The following ATRX variants were observed in gnomAD, a reference collection of about 807,000 sequenced individuals.
The protein encoded by ATRX is chromatin remodeler ATRX.
In ATRX, 12 loss-of-function variants were observed where a neutral mutation model predicts 172.6. The observed-to-expected ratio is 0.07, with a 90% CI of 0.04 to 0.11. The LOEUF (loss-of-function observed/expected upper bound fraction) is 0.11. Ranked by LOEUF, ATRX falls within the 10% of genes least tolerant of loss-of-function variation. ATRX has a pLI of 1.00. For missense variants in ATRX, 1,368 were observed against 1,767.4 expected, an observed-to-expected ratio of 0.77 and a Z score of 4.05; for synonymous variants, 674 against 594.7, an observed-to-expected ratio of 1.13 and a Z score of -1.94.
intron 2 of ATRX, among the ~76,000 whole-genome samples, chrX:77,708,986 C>A (rs1278689147): frequency 2.7e-5 from 3 of 111,803 alleles, no homozygotes; most frequent in Non-Finnish European, 3.8e-5. Context: ...GTGGGAAGAT[C>A]GCTTGAGGCC....
At chrX:77,676,534 C>T (rs1348216489) in intron 9 of ATRX, among the ~76,000 whole-genome samples, 2 of 111,689 alleles carry the variant, frequency 1.8e-5, no homozygotes, top group Non-Finnish European at 3.8e-5. Flanking sequence ...CTTCCCAGGG[C>T]ACAAGGCTTT....
At chrX:77,746,193 CAA>C (rs1237408382) in intron 1 of ATRX, among the ~76,000 whole-genome samples, 2 of 110,433 alleles carry the variant, frequency 1.8e-5, no homozygotes, top group Non-Finnish European at 3.8e-5. Flanking sequence ...TTAATGAATA[CAA>C]TGTGTGTTAT....
intron 15 of ATRX, among the ~76,000 whole-genome samples, chrX:77,639,872 C>T (rs1463100463): frequency 5.3e-5 from 6 of 112,176 alleles, no homozygotes; most frequent in African/African-American, 1.9e-4. Flanking sequence ...CCAAAAAAGA[C>T]ACAAGTACTC....
intron 1 of ATRX, among the ~76,000 whole-genome samples, chrX:77,778,592 A>G (rs782812504): frequency 6.0e-4 from 65 of 108,890 alleles, no homozygotes; most frequent in Non-Finnish European, 8.0e-4. Flanking sequence ...ATGGTGGCAC[A>G]CGCCTGTAGT....
chrX:77,626,644 G>A (rs1287318686), intron 19 of ATRX, among the ~76,000 whole-genome samples: 2 of 111,340 alleles, frequency 1.8e-5, no homozygotes, highest in African/African-American at 6.5e-5. Context: ...CCAAGCCTGA[G>A]GGTGGCTTTG....
rs782676895 is a variant in ATRX at position 77,641,842 on chromosome X, A to G, written c.4558-5786T>C. On this transcript the variant is annotated intron_variant, in intron 15 of 34. Transcript: ENST00000373344. Reference sequence around the variant, plus strand: ...GGAACAATATTAAAGAGCATAATATATAAGTCCCAAAGAAAAATAGAACAG... The same window carrying G: ...GGAACAATATTAAAGAGCATAATATGTAAGTCCCAAAGAAAAATAGAACAG... Among the ~76,000 whole-genome samples the G allele has an allele frequency of 8.1e-5, 9 of 111,253 alleles. No homozygotes were observed. The South Asian group carries it at 2.6e-3, about 32-fold the overall frequency.
rs2062761913 is a variant in ATRX at position 77,508,553 on chromosome X, A to G, written c.7277T>C (p.Met2426Thr). The change falls in exon 35 of 35, where the codon ATG (methionine) becomes ACG (threonine). Residue 2426 changes from methionine (M) to threonine (T), a missense_variant. Met to Thr is a moderately conservative substitution (Grantham distance 81). Around this residue, in one of 17 missense-constraint regions of ATRX, gnomAD observed 100 missense variants for 153.9 expected, o/e 0.65. Transcript: ENST00000373344. ...ACCCAGTGTTGCTTGTTGATAAGTC[A>G]TTTGTTGCTGTTGCTGCTGATTGTA... ...QQYNQQQQQQMTYQQATLGHL... is the reference protein window; with the variant it reads ...QQYNQQQQQQTTYQQATLGHL... 3 of 1,209,924 alleles carry G rather than the reference A, an allele frequency of 2.5e-6. No individual in the cohort carries two copies. The highest frequency in any genetic ancestry group is 2.2e-5 in the Admixed American group (1 of 45,742).
Position 77,618,932 on chromosome X carries a change from C to T in ATRX, c.5322G>A (p.Lys1774=). The change falls in exon 21 of 35, where the codon AAG becomes AAA. Residue 1774 remains lysine (K), a synonymous_variant. Coordinates refer to ENST00000373344, the MANE Select transcript of ATRX (RefSeq NM_000489.6). The part of the protein sequence containing the change: ...FIKENLLGSI[K]EFRNRFINPI... Reference sequence around the variant, plus strand: ...GATTTATAAATCTATTCCTGAACTCCTTAATGGATCCAAGTAAATTTTCCT... The same window carrying T: ...GATTTATAAATCTATTCCTGAACTCTTTAATGGATCCAAGTAAATTTTCCT... The T allele has an allele frequency of 8.4e-7, 1 of 1,184,654 alleles. No homozygotes were observed.
chrX:77,523,351 T>C lies in ATRX; in HGVS notation c.6750A>G (p.Gly2250=), dbSNP rs2147761475. Reference sequence around the variant, plus strand: ...CCAAAAGAGAATCATGTTCATGGTATCCTACAATGTGTTCTTTATGTATCT... The same window carrying C: ...CCAAAAGAGAATCATGTTCATGGTACCCTACAATGTGTTCTTTATGTATCT... The part of the protein sequence containing the change: ...LLQIHKEHIV[G]YHEHDSLLDH... The change falls in exon 31 of 35, where the codon GGA becomes GGG. Residue 2250 remains glycine (G), a synonymous_variant. Transcript: ENST00000373344. The C allele has an allele frequency of 8.3e-7, 1 of 1,209,188 alleles. No homozygotes were observed. The highest frequency in any genetic ancestry group is 1.1e-6 in the Non-Finnish European group (1 of 893,213).
At chrX:77,702,476 G>A (rs1331625953) in intron 2 of ATRX, among the ~76,000 whole-genome samples, 1 of 110,542 alleles carries the variant, frequency 9.0e-6, no homozygotes, top group East Asian at 2.8e-4. Flanking sequence ...AGAACTATGG[G>A]AATAAAATTA....
chrX:77,709,630 A>AG (rs1167808650), intron 2 of ATRX, among the ~76,000 whole-genome samples: 1 of 93,416 alleles, frequency 1.1e-5, no homozygotes, highest in Non-Finnish European at 2.2e-5. Flanking sequence ...AAGCACTGAT[A>AG]GAGTCCAATG....
intron 1 of ATRX, among the ~76,000 whole-genome samples, chrX:77,741,037 T>TACACACACACAC (rs111437851): frequency 1.0e-5 from 1 of 99,228 alleles, no homozygotes; most frequent in African/African-American, 3.6e-5. Context: ...ACCCTGTCTC[T>TACACACACACAC]ACACACACAC....
rs374291079 is a variant in ATRX, at chrX:77,681,633, A to T, written c.3623T>A (p.Ile1208Lys). 8.3e-7 allele frequency: 1 copy of T among 1,206,022 alleles called. No homozygotes were observed. The highest frequency in any genetic ancestry group is 1.7e-5 in the African/African-American group (1 of 57,513). The change falls in exon 9 of 35, where the codon ATA (isoleucine) becomes AAA (lysine). Residue 1208 changes from isoleucine to lysine, a missense_variant. By Grantham distance (102) the Ile-to-Lys change is moderately radical. Transcript: ENST00000373344. ...ADITSSSSSDIEDDDQNSIGE... is the reference protein window; with the variant it reads ...ADITSSSSSDKEDDDQNSIGE... ...TATAGAATTCTGATCATCATCTTCT[A>T]TATCAGAAGAAGATGAGGATGTAAT...
At chrX:77,574,379 C>A (rs2148020317) in intron 27 of ATRX, 21 bp from the exon 28 acceptor site, 1 of 1,105,654 alleles carries the variant, frequency 9.0e-7, no homozygotes, top group Non-Finnish European at 1.3e-6. Flanking sequence ...AACAAAAGAA[C>A]ACAAAAGGAA....
At chrX:77,511,401 C>A (rs782037240) in intron 34 of ATRX, among the ~76,000 whole-genome samples, 1 of 111,512 alleles carries the variant, frequency 9.0e-6, no homozygotes, top group African/African-American at 3.3e-5. Context: ...AATGCCCAGA[C>A]ACGAATCAAT....
At chrX:77,561,325 A>G (rs1557061844) in intron 28 of ATRX, among the ~76,000 whole-genome samples, 1 of 111,140 alleles carries the variant, frequency 9.0e-6, no homozygotes, top group African/African-American at 3.3e-5. Flanking sequence ...ACATACATAC[A>G]TACACACACA....
At chrX:77,672,231 A>G (rs782061209) in intron 10 of ATRX, among the ~76,000 whole-genome samples, 24 of 111,742 alleles carry the variant, frequency 2.1e-4, no homozygotes, top group Admixed American at 2.0e-3. Flanking sequence ...CCACAAAAAA[A>G]AAATCACAGA....
intron 30 of ATRX, among the ~76,000 whole-genome samples, chrX:77,532,531 G>A (rs1186995600): frequency 7.2e-5 from 8 of 111,465 alleles, no homozygotes; most frequent in East Asian, 2.8e-4. Flanking sequence ...TGACCAAAAC[G>A]AGCAATGGGG....
chrX:77,683,688 G>A lies in ATRX; in HGVS notation c.1568C>T (p.Ser523Leu), dbSNP rs2148619501. ...ATTCTCAAAAATGTCTTCTGGAACTGAGGAAGGAACAGACACAATATCCAT... is the reference window on the plus strand; with the variant it reads ...ATTCTCAAAAATGTCTTCTGGAACTAAGGAAGGAACAGACACAATATCCAT... ...LDMDIVSVPSSVPEDIFENLE... is the reference protein window; with the variant it reads ...LDMDIVSVPSLVPEDIFENLE... Residue 523 changes from serine (S) to leucine (L), a missense_variant, in exon 9 of 35, where the codon TCA (serine) becomes TTA (leucine). By Grantham distance (145) the Ser-to-Leu change is moderately radical. Coordinates refer to ENST00000373344, the MANE Select transcript of ATRX (RefSeq NM_000489.6). 8.3e-7 allele frequency: 1 copy of A among 1,211,384 alleles called. No individual in the cohort carries two copies. The highest frequency in any genetic ancestry group is 1.1e-6 in the Non-Finnish European group (1 of 895,183).
Sources: allele counts gnomAD v4.1 joint callset (sites outside exome capture counted in the v4.1 genomes callset), GRCh38; gene constraint gnomAD v4.1.1; regional missense constraint gnomAD v4.1.1; transcripts MANE v1.5; gene names NCBI Gene and HGNC (gene_info 2026-07-23, HGNC 2026-07-21).